Variants in RIN2 observed in about 807,000 individuals in gnomAD.
RIN2 encodes Ras and Rab interactor 2.
A neutral mutation model predicts 78.0 loss-of-function variants in RIN2; 36 were observed. That is an observed-to-expected ratio of 0.46 (90% CI 0.35 to 0.61). RIN2 has a LOEUF of 0.61. Ranked by LOEUF, RIN2 falls within the 20% of genes least tolerant of loss-of-function variation. RIN2 has a pLI of 0.00. For synonymous variants in RIN2, 466 were observed against 466.8 expected, an observed-to-expected ratio of 1.00 and a Z score of 0.02; for missense variants, 1,087 against 1,159.7, an observed-to-expected ratio of 0.94 and a Z score of 0.91.
At chr20:19,872,036 G>A (rs2037705880) in intron 2 of RIN2, 1 of 152,140 alleles carries the variant, frequency 6.6e-6, no homozygotes, top group Non-Finnish European at 1.5e-5. Context: ...AGGTGTTGAA[G>A]GAGGGAGCTG....
At chr20:19,804,945 A>G (rs571075024) in intron 2 of RIN2, among the ~76,000 whole-genome samples, 68 of 152,216 alleles carry the variant, frequency 4.5e-4, no homozygotes, top group Middle Eastern at 3.4e-3. Flanking sequence ...CAGGGATTCA[A>G]CTTCTTCCTG....
At chr20:19,926,834 G>C (rs900910818) in intron 3 of RIN2, among the ~76,000 whole-genome samples, 1 of 152,242 alleles carries the variant, frequency 6.6e-6, no homozygotes, top group African/African-American at 2.4e-5. Flanking sequence ...AATTTGAAGA[G>C]CGCTGTATCA....
At chr20:19,862,163 T>A (rs1462789423) in intron 2 of RIN2, among the ~76,000 whole-genome samples, 1 of 152,244 alleles carries the variant, frequency 6.6e-6, no homozygotes, top group African/African-American at 2.4e-5. Flanking sequence ...TGATGTTTCC[T>A]CTTGGTAATA....
At chr20:19,898,590 A>G (rs184792191) in intron 3 of RIN2, among the ~76,000 whole-genome samples, 23 of 152,366 alleles carry the variant, frequency 1.5e-4, no homozygotes, top group Non-Finnish European at 2.9e-4. Flanking sequence ...AAGTTTGCTG[A>G]GTTAAAATCC....
intron 2 of RIN2, among the ~76,000 whole-genome samples, chr20:19,807,661 C>T (rs1243395043): frequency 6.6e-6 from 1 of 152,100 alleles, no homozygotes; most frequent in Non-Finnish European, 1.5e-5. Context: ...CAGCACACAC[C>T]AGTTGCCCAA....
chr20:19,867,335 C>A (rs2037541665), intron 2 of RIN2, among the ~76,000 whole-genome samples: 1 of 152,184 alleles, frequency 6.6e-6, no homozygotes, highest in East Asian at 1.9e-4. Flanking sequence ...AATCCAGTTA[C>A]CAAATTCAGG....
intron 7 of RIN2, among the ~76,000 whole-genome samples, chr20:19,966,625 G>A (rs977082151): frequency 6.6e-6 from 1 of 152,076 alleles, no homozygotes; most frequent in African/African-American, 2.4e-5. Flanking sequence ...GCCCGGCCAG[G>A]AGCCACTAAG....
At chr20:19,883,469 A>G (rs1008461010) in intron 2 of RIN2, among the ~76,000 whole-genome samples, 3 of 151,146 alleles carry the variant, frequency 2.0e-5, no homozygotes, top group Non-Finnish European at 4.4e-5. Context: ...CTTCCCAAGT[A>G]GCTGGGACCC....
chr20:19,832,997 T>G (rs1374003856), intron 2 of RIN2, among the ~76,000 whole-genome samples: 1 of 152,132 alleles, frequency 6.6e-6, no homozygotes, highest in Non-Finnish European at 1.5e-5. Flanking sequence ...CAGAGCCTAA[T>G]GAAATTATTC....
chr20:19,777,094 C>T (rs887653336), intron 1 of RIN2, among the ~76,000 whole-genome samples: 6 of 152,132 alleles, frequency 3.9e-5, no homozygotes, highest in Non-Finnish European at 5.9e-5. Flanking sequence ...CGGGTCCATC[C>T]GGGAGGGAAT....
intron 9 of RIN2, among the ~76,000 whole-genome samples, chr20:19,982,888 G>C (rs944379790): frequency 1.3e-5 from 2 of 152,184 alleles, no homozygotes; most frequent in African/African-American, 4.8e-5. Context: ...CAACTGTAAG[G>C]CATGTTCAAC....
chr20:19,917,667 C>A (rs778373090), intron 3 of RIN2, among the ~76,000 whole-genome samples: 3 of 152,180 alleles, frequency 2.0e-5, no homozygotes, highest in Non-Finnish European at 4.4e-5. Flanking sequence ...AGAACACATA[C>A]TTTTCACAAC....
At chr20:19,920,988 G>GTTTTTTGTTTGT (rs34052004) in intron 3 of RIN2, among the ~76,000 whole-genome samples, 23 of 151,610 alleles carry the variant, frequency 1.5e-4, no homozygotes, top group African/African-American at 5.3e-4. Flanking sequence ...AGTTTTTTGG[G>GTTTTTTGTTTGT]TTGTTTGTTT....
At chr20:19,981,040 C>T (rs1325834463) in intron 9 of RIN2, among the ~76,000 whole-genome samples, 5 of 151,466 alleles carry the variant, frequency 3.3e-5, no homozygotes, top group African/African-American at 9.7e-5. Context: ...CGTGGGCGGC[C>T]CTGTGTGGTT....
chr20:19,918,905 G>C (rs73126130), intron 3 of RIN2, among the ~76,000 whole-genome samples: 7 of 152,212 alleles, frequency 4.6e-5, no homozygotes, highest in African/African-American at 1.7e-4. Flanking sequence ...TATATTTGCT[G>C]TAAGAACAGC....
chr20:19,983,307 T>A (rs2042518162), intron 9 of RIN2, among the ~76,000 whole-genome samples: 2 of 152,180 alleles, frequency 1.3e-5, no homozygotes, highest in Admixed American at 1.3e-4. Context: ...TTGTCGGAAA[T>A]AGAAGTTACC....
intron 1 of RIN2, among the ~76,000 whole-genome samples, chr20:19,768,928 T>C (rs1397699183): frequency 2.0e-5 from 3 of 150,974 alleles, no homozygotes; most frequent in Non-Finnish European, 1.5e-5. Flanking sequence ...GTTTCTTTTT[T>C]TTTTTTTTTT....
rs2043127681 is a variant in RIN2 at position 20,000,972 on chromosome 20, G to A, written c.*36G>A. On this transcript the variant is annotated 3_prime_UTR_variant, in exon 13 of 13. Coordinates refer to ENST00000255006, the MANE Select transcript of RIN2 (RefSeq NM_018993.4). Reference sequence around the variant, plus strand: ...GGACTTCCCAGTGGTGCATCCAAAGGGGAGCTGGAAGCCTTGCCTTCCCGC... The same window carrying A: ...GGACTTCCCAGTGGTGCATCCAAAGAGGAGCTGGAAGCCTTGCCTTCCCGC... 6.4e-7 allele frequency: 1 copy of A among 1,557,080 alleles called. No homozygotes were observed. Among genetic ancestry groups the A allele is most frequent in the Non-Finnish European group, 8.7e-7 (1 of 1,149,078 alleles).
intron 3 of RIN2, among the ~76,000 whole-genome samples, chr20:19,911,631 C>G (rs1435261800): frequency 2.6e-5 from 4 of 152,216 alleles, no homozygotes; most frequent in African/African-American, 9.6e-5. Context: ...TTGTTCATTG[C>G]TCTGGTCATG....
Sources: allele counts gnomAD v4.1 joint callset (sites outside exome capture counted in the v4.1 genomes callset), GRCh38; gene constraint gnomAD v4.1.1; transcripts MANE v1.5; gene names NCBI Gene and HGNC (gene_info 2026-07-23, HGNC 2026-07-21).